ADRA1A: variants seen among roughly 807,000 people sequenced by gnomAD.
The protein encoded by ADRA1A is alpha-1A adrenergic receptor.
In ADRA1A, 31 loss-of-function variants were observed where a neutral mutation model predicts 29.6. That is an observed-to-expected ratio of 1.05 (90% CI 0.79 to 1.41). The LOEUF (loss-of-function observed/expected upper bound fraction) is 1.41. Among genes scored for constraint, ADRA1A ranks in the 40% most tolerant of loss-of-function variants. The pLI, the probability that ADRA1A is intolerant of heterozygous loss-of-function variation, is 0.00. For synonymous variants in ADRA1A, 311 were observed against 254.3 expected (o/e 1.22, Z -2.12); for missense variants, 619 against 601.1 (o/e 1.03, Z -0.31).
At position 26,823,478 on chromosome 8, in the gene ADRA1A, G is replaced by A. The variant is rs890239690; in HGVS notation, c.883+40609C>T. 3.9e-5 allele frequency among the ~76,000 whole-genome samples: 6 copies of A among 152,182 alleles called. No individual in the cohort carries two copies. The highest frequency in any genetic ancestry group is 5.9e-5 in the Non-Finnish European group (4 of 68,040). On this transcript the variant is annotated intron_variant, in intron 2 of 2. Coordinates refer to ENST00000380573, the MANE Select transcript of ADRA1A (RefSeq NM_000680.4). This position sits in a 1 kb window ranked among gnomAD's most constrained non-coding sequence, Gnocchi z 4.2. ...AGAAAGCAGAGGTGTTTCATTGACA[G>A]GTAATTATTGTTCTCTCATAAAAAC...
rs1813726916 is a variant in ADRA1A at position 26,864,449 on chromosome 8, G to A, written c.521C>T (p.Thr174Ile). 1 of 1,613,488 alleles carries A rather than the reference G, an allele frequency of 6.2e-7. No individual in the cohort carries two copies. ...GWRQPAPEDE[T>I]ICQINEEPGY... ...CGGCTCCTCGTTGATCTGGCAGATGGTCTCGTCCTCGGGGGCCGGCTGCCT... is the reference window on the plus strand; with the variant it reads ...CGGCTCCTCGTTGATCTGGCAGATGATCTCGTCCTCGGGGGCCGGCTGCCT... Residue 174 changes from threonine to isoleucine, a missense_variant, in exon 2 of 3, where the codon ACC becomes ATC. Thr to Ile is a moderately conservative substitution (Grantham distance 89, BLOSUM62 -1). Coordinates refer to ENST00000380573, the MANE Select transcript of ADRA1A (RefSeq NM_000680.4). This position sits in a 1 kb window ranked among gnomAD's most constrained non-coding sequence, Gnocchi z 8.1.
At chr8:26,826,670 T>C (rs555495943) in intron 2 of ADRA1A, among the ~76,000 whole-genome samples, 1 of 152,320 alleles carries the variant, frequency 6.6e-6, no homozygotes, top group South Asian at 2.1e-4. Context: ...GGATCCAGCA[T>C]GTGCCACCTT....
chr8:26,786,359 C>G lies in ADRA1A; in HGVS notation c.884-15693G>C, dbSNP rs544213092. 1.7e-4 allele frequency among the ~76,000 whole-genome samples: 26 copies of G among 152,140 alleles called. No individual in the cohort carries two copies. In the East Asian group the frequency reaches 5.0e-3, roughly 29 times the overall value. ...AAGCAATTCTCCTGCCTCAGCCTCC[C>G]GAGTAGCTGGGATTACAGGTGCACG... On this transcript the variant is annotated intron_variant, in intron 2 of 2. Transcript: ENST00000380573.
At chr8:26,757,220 ATT>A in intron 2 of ADRA1A, 1 of 695,614 alleles carries the variant, frequency 1.4e-6, no homozygotes, top group Non-Finnish European at 2.6e-6. Context: ...CAAGTTTGAG[ATT>A]CTGAGTCACG....
rs1444066146 is a variant in ADRA1A at position 26,860,854 on chromosome 8, A to G, written c.883+3233T>C. On this transcript the variant is annotated intron_variant, in intron 2 of 2. Transcript: ENST00000380573. The surrounding 1 kb of genome is among the most constrained non-coding windows in gnomAD (Gnocchi z 4.7). ...CCATCGTTCCCATCAGAATATAAATATCATGTCATATCCCCACCTCCCACC... is the reference window on the plus strand; with the variant it reads ...CCATCGTTCCCATCAGAATATAAATGTCATGTCATATCCCCACCTCCCACC... Among the ~76,000 whole-genome samples the G allele has an allele frequency of 6.6e-6, 1 of 152,018 alleles. No homozygotes were observed. Among genetic ancestry groups the G allele is most frequent in the Admixed American group, 6.6e-5 (1 of 15,258 alleles).
Position 26,848,465 on chromosome 8 carries a change from A to C in ADRA1A, c.883+15622T>G, listed in dbSNP as rs753745392. ...GAGAGCTCTCTCTCTCTCTCTCTTC[A>C]TCAGGTGAGAATGCAGGGAGAAGGC... is the stretch of plus-strand genomic sequence containing the variant. On this transcript the variant is annotated intron_variant, in intron 2 of 2. Transcript: ENST00000380573. The surrounding 1 kb of genome is among the most constrained non-coding windows in gnomAD (Gnocchi z 4.3). Among the ~76,000 whole-genome samples, 1 of 152,070 alleles carries C rather than the reference A, an allele frequency of 6.6e-6. No individual in the cohort carries two copies. The highest frequency in any genetic ancestry group is 1.5e-5 in the Non-Finnish European group (1 of 68,012).
chr8:26,844,804 A>T (rs1349817812), intron 2 of ADRA1A, among the ~76,000 whole-genome samples: 1 of 152,202 alleles, frequency 6.6e-6, no homozygotes, highest in Non-Finnish European at 1.5e-5. Context: ...AAACATAAGG[A>T]TACATTTTTG....
rs997080838 is a variant in ADRA1A at position 26,796,501 on chromosome 8, T to G, written c.884-25835A>C. 3.9e-5 allele frequency among the ~76,000 whole-genome samples: 6 copies of G among 152,116 alleles called. No homozygotes were observed. Among genetic ancestry groups the G allele is most frequent in the Non-Finnish European group, 5.9e-5 (4 of 68,004 alleles). ...GGATTTTGTTCCCAGCCTCCTGGATTCATTATGAATGAACAAAGACTGGTA... is the reference window on the plus strand; with the variant it reads ...GGATTTTGTTCCCAGCCTCCTGGATGCATTATGAATGAACAAAGACTGGTA... On this transcript the variant is annotated intron_variant, in intron 2 of 2. Transcript: ENST00000380573. The surrounding 1 kb of genome is among the most constrained non-coding windows in gnomAD (Gnocchi z 5.0).
At chr8:26,824,854 A>G (rs962049155) in intron 2 of ADRA1A, among the ~76,000 whole-genome samples, 6 of 152,238 alleles carry the variant, frequency 3.9e-5, no homozygotes, top group Non-Finnish European at 7.3e-5. Flanking sequence ...GGTAGAAATC[A>G]TGTTAAATGA....
rs908976468 is a variant in ADRA1A at position 26,815,955 on chromosome 8, G to A, written c.884-45289C>T. Among the ~76,000 whole-genome samples the A allele has an allele frequency of 1.3e-5, 2 of 152,158 alleles. No individual in the cohort carries two copies. The highest frequency in any genetic ancestry group is 6.5e-5 in the Admixed American group (1 of 15,282). On this transcript the variant is annotated intron_variant, in intron 2 of 2. Coordinates refer to ENST00000380573, the MANE Select transcript of ADRA1A (RefSeq NM_000680.4). The surrounding 1 kb of genome is among the most constrained non-coding windows in gnomAD (Gnocchi z 4.2). ...GAAGCAAGGGAGGGGGCGTGTCCAG[G>A]TGCTGCTGGTTGCTTTATCATGAGC...
intron 2 of ADRA1A, among the ~76,000 whole-genome samples, chr8:26,759,369 G>T (rs1402337207): frequency 6.6e-6 from 1 of 152,144 alleles, no homozygotes; most frequent in Non-Finnish European, 1.5e-5. Context: ...ATAAAAGTAT[G>T]ACTCTTTTTT....
intron 2 of ADRA1A, among the ~76,000 whole-genome samples, chr8:26,795,073 A>C (rs1435362639): frequency 6.6e-5 from 10 of 152,152 alleles, no homozygotes; most frequent in Admixed American, 6.6e-4. Context: ...GTTGCAATGA[A>C]TATTCCATTA....
At chr8:26,757,468 GAGTCTGGAAGTACAGCTTCA>G (rs1420669495) in intron 2 of ADRA1A, among the ~76,000 whole-genome samples, 1 of 151,930 alleles carries the variant, frequency 6.6e-6, no homozygotes, top group Non-Finnish European at 1.5e-5. Context: ...GCTTCCATGA[GAGTCTGGAAGTACAGCTTCA>G]AGTCTGTCCC....
At chr8:26,817,895 A>G (rs1809876485) in intron 2 of ADRA1A, among the ~76,000 whole-genome samples, 2 of 152,264 alleles carry the variant, frequency 1.3e-5, no homozygotes, top group Admixed American at 1.3e-4. Context: ...GAATGTTTAC[A>G]GTGGCTTTAG....
chr8:26,757,512 T>TC (rs1428337716), intron 2 of ADRA1A, among the ~76,000 whole-genome samples: 20,244 of 145,430 alleles, frequency 0.14, 1,598 homozygotes, highest in East Asian at 0.24. Context: ...TGCTTCCATT[T>TC]CCCCCACCCC....
chr8:26,754,443 G>A (rs559093484), downstream of ADRA1A, among the ~76,000 whole-genome samples: 1 of 151,968 alleles, frequency 6.6e-6, no homozygotes, highest in South Asian at 2.1e-4. Flanking sequence ...AGGTGGATGT[G>A]GTTCACAAAC....
intron 2 of ADRA1A, among the ~76,000 whole-genome samples, chr8:26,801,822 C>T (rs1808599295): frequency 6.6e-6 from 1 of 152,146 alleles, no homozygotes; most frequent in Non-Finnish European, 1.5e-5. Flanking sequence ...CTGGAGGAAT[C>T]ACACTACCTG....
rs1311606516 is a variant in ADRA1A at position 26,775,357 on chromosome 8, G to T, written c.884-4691C>A. 6.6e-6 allele frequency among the ~76,000 whole-genome samples: 1 copy of T among 151,212 alleles called. No homozygotes were observed. The highest frequency in any genetic ancestry group is 1.5e-5 in the Non-Finnish European group (1 of 67,832). On this transcript the variant is annotated intron_variant, in intron 2 of 2. Transcript: ENST00000380573. This position sits in a 1 kb window ranked among gnomAD's most constrained non-coding sequence, Gnocchi z 4.1. ...CTGCTGTCTCATTCTTCTTTTTTTT[G>T]CCCACCATTTCAGTTCAGTCATTTG...
At chr8:26,792,595 C>T (rs1807913188) in intron 2 of ADRA1A, among the ~76,000 whole-genome samples, 1 of 148,728 alleles carries the variant, frequency 6.7e-6, no homozygotes, top group Non-Finnish European at 1.5e-5. Context: ...AAAACATAGA[C>T]ATTTAACTCA....
Sources: allele counts gnomAD v4.1 joint callset (sites outside exome capture counted in the v4.1 genomes callset), GRCh38; gene constraint gnomAD v4.1.1; non-coding constraint Gnocchi (gnomAD v3.1); transcripts MANE v1.5; gene names NCBI Gene and HGNC (gene_info 2026-07-23, HGNC 2026-07-21).